ESRRG: variants seen among roughly 807,000 people sequenced by gnomAD.
The protein encoded by ESRRG is estrogen related receptor gamma.
Under a neutral mutation model 44.0 loss-of-function variants are expected in ESRRG, and 13 were observed. The observed-to-expected ratio is 0.30, with a 90% CI of 0.19 to 0.47. The LOEUF (loss-of-function observed/expected upper bound fraction) is 0.47. Among genes scored for constraint, ESRRG ranks in the 20% least tolerant of loss-of-function variants. The pLI, the probability that ESRRG is intolerant of heterozygous loss-of-function variation, is 1.00. For missense variants in ESRRG, 395 were observed against 580.6 expected (o/e 0.68, Z 3.29); for synonymous variants, 215 against 214.6 (o/e 1.00, Z -0.02).
intron 5 of ESRRG, among the ~76,000 whole-genome samples, chr1:216,545,261 C>G (rs919390541): frequency 4.0e-5 from 6 of 150,176 alleles, no homozygotes; most frequent in Admixed American, 3.3e-4. Flanking sequence ...CAGGATCTCA[C>G]TATGTTGTCC....
chr1:216,854,816 C>T (rs1385265066), intron 2 of ESRRG, among the ~76,000 whole-genome samples: 1 of 126,200 alleles, frequency 7.9e-6, no homozygotes, highest in Non-Finnish European at 1.6e-5. Flanking sequence ...TGTAAACTCC[C>T]GGAAGGCAAG....
chr1:216,657,337 A>C (rs1446586353), intron 2 of ESRRG, among the ~76,000 whole-genome samples: 2 of 152,208 alleles, frequency 1.3e-5, no homozygotes, highest in African/African-American at 4.8e-5. Context: ...ACTTTAAATA[A>C]GTTGTGTAGG....
At chr1:216,573,116 C>T (rs1390856265) in intron 3 of ESRRG, among the ~76,000 whole-genome samples, 2 of 151,900 alleles carry the variant, frequency 1.3e-5, no homozygotes, top group African/African-American at 4.8e-5. Flanking sequence ...TGAAGGATAA[C>T]TAATAATCAA....
chr1:216,910,724 T>C (rs1279033869), intron 2 of ESRRG, among the ~76,000 whole-genome samples: 2 of 152,196 alleles, frequency 1.3e-5, no homozygotes, highest in Non-Finnish European at 2.9e-5. Context: ...TCACTGACTA[T>C]ATGGAGACTC....
intron 2 of ESRRG, among the ~76,000 whole-genome samples, chr1:216,893,361 A>T (rs2058042652): frequency 6.6e-6 from 1 of 152,192 alleles, no homozygotes; most frequent in South Asian, 2.1e-4. Context: ...ACTCCATTCT[A>T]TATCAGATAA....
intron 2 of ESRRG, among the ~76,000 whole-genome samples, chr1:216,828,377 GT>G (rs527948728): frequency 4.7e-4 from 71 of 152,202 alleles, no homozygotes; most frequent in African/African-American, 1.7e-3. Flanking sequence ...GGTTAGTTGG[GT>G]TTTTTGCAAA....
At chr1:216,614,344 T>TC (rs11417658) in intron 3 of ESRRG, among the ~76,000 whole-genome samples, 2 of 20,784 alleles carry the variant, frequency 9.6e-5, no homozygotes, top group Non-Finnish European at 2.0e-4. Context: ...CCTCTTTCTC[T>TC]TTTTTTTTTG....
chr1:216,520,502 T>G (rs979888206), intron 5 of ESRRG, among the ~76,000 whole-genome samples: 6 of 152,146 alleles, frequency 3.9e-5, no homozygotes, highest in African/African-American at 1.4e-4. Flanking sequence ...AGCAGTACAA[T>G]TAAGCCTACT....
rs557420556 is a variant in ESRRG, at chr1:216,833,757, T to C, written c.-14+105825A>G. Among the ~76,000 whole-genome samples the C allele has an allele frequency of 2.6e-5, 4 of 152,314 alleles. No homozygotes were observed. The East Asian group carries it at 7.7e-4, about 29-fold the overall frequency. ...CATATATCACTGTTCATCTGAAAAG[T>C]GTTCTTCAGAGATTTTGCTGGGGAA... On this transcript the variant is annotated intron_variant, in intron 2 of 7. Transcript: ENST00000359162.
At chr1:216,624,674 C>A (rs1318428988) in intron 3 of ESRRG, among the ~76,000 whole-genome samples, 1 of 152,122 alleles carries the variant, frequency 6.6e-6, no homozygotes, top group African/African-American at 2.4e-5. Context: ...TGCCTCTGTT[C>A]TCAGGTTAAT....
chr1:217,104,681 G>A (rs1166780047), intron 1 of ESRRG, among the ~76,000 whole-genome samples: 1 of 152,150 alleles, frequency 6.6e-6, no homozygotes, highest in Non-Finnish European at 1.5e-5. Context: ...AGGTAGGAAA[G>A]GGTCTAGAGA....
chr1:216,606,662 T>C (rs1254628043), intron 3 of ESRRG, among the ~76,000 whole-genome samples: 2 of 152,056 alleles, frequency 1.3e-5, no homozygotes, highest in Non-Finnish European at 2.9e-5. Flanking sequence ...AATATTAATA[T>C]TAATATAACA....
At chr1:216,826,644 ACT>A (rs1285007128) in intron 2 of ESRRG, among the ~76,000 whole-genome samples, 1 of 152,050 alleles carries the variant, frequency 6.6e-6, no homozygotes, top group Non-Finnish European at 1.5e-5. Context: ...AATATCATTG[ACT>A]CTATTTTTCA....
At chr1:217,028,185 G>A (rs1264024470) in intron 1 of ESRRG, among the ~76,000 whole-genome samples, 2 of 152,102 alleles carry the variant, frequency 1.3e-5, no homozygotes, top group South Asian at 2.1e-4. Flanking sequence ...TTACAGAATA[G>A]CATCTTACTT....
rs147682129 is a variant in ESRRG, at chr1:217,070,341, A to G, written c.-106+19166T>C. Among the ~76,000 whole-genome samples, 3 of 152,306 alleles carry G rather than the reference A, an allele frequency of 2.0e-5. No individual in the cohort carries two copies. The East Asian group carries it at 5.8e-4, about 29-fold the overall frequency. On this transcript the variant is annotated intron_variant, in intron 1 of 7. Transcript: ENST00000359162. ...ATATAGATTAATCTAATTTATGTCT[A>G]TATTTGCAAAAGTACAACAGGAGTT...
chr1:216,750,926 G>T (rs1204131108), intron 2 of ESRRG, among the ~76,000 whole-genome samples: 1 of 152,074 alleles, frequency 6.6e-6, no homozygotes, highest in Non-Finnish European at 1.5e-5. Context: ...CACCATAAAA[G>T]TTAAAATCAC....
chr1:216,521,873 G>A (rs1428150317), intron 5 of ESRRG, among the ~76,000 whole-genome samples: 1 of 151,964 alleles, frequency 6.6e-6, no homozygotes, highest in Non-Finnish European at 1.5e-5. Context: ...ACAAATCTAC[G>A]TTCTCATGGA....
intron 2 of ESRRG, among the ~76,000 whole-genome samples, chr1:216,860,508 G>C (rs2096032709): frequency 2.0e-5 from 3 of 151,938 alleles, no homozygotes. Flanking sequence ...AGTAGCCAGA[G>C]ACAGAAGACA....
rs569702931 is a variant in ESRRG, at chr1:216,584,900, G to A, written c.590-16802C>T. 3.9e-5 allele frequency among the ~76,000 whole-genome samples: 6 copies of A among 152,276 alleles called. No homozygotes were observed. In the South Asian group the frequency reaches 1.2e-3, roughly 32 times the overall value. On this transcript the variant is annotated intron_variant, in intron 3 of 6. Coordinates refer to ENST00000408911, the MANE Select transcript of ESRRG (RefSeq NM_001438.4). Reference sequence around the variant, plus strand: ...TCAATGTGTAACAGAGTAGTTTTAAGACCAGCTGTCTGCTAAATGATGGTA... The same window carrying A: ...TCAATGTGTAACAGAGTAGTTTTAAAACCAGCTGTCTGCTAAATGATGGTA...
Sources: allele counts gnomAD v4.1 joint callset (sites outside exome capture counted in the v4.1 genomes callset), GRCh38; gene constraint gnomAD v4.1.1; transcripts MANE v1.5; gene names NCBI Gene and HGNC (gene_info 2026-07-23, HGNC 2026-07-21).